The following DPP6 variants were observed in gnomAD, a reference collection of about 807,000 sequenced individuals.
DPP6 encodes A-type potassium channel modulatory protein DPP6.
A neutral mutation model predicts 122.6 loss-of-function variants in DPP6; 69 were observed. That is an observed-to-expected ratio of 0.56 (90% CI 0.46 to 0.69). DPP6 has a LOEUF of 0.69. Ranked by LOEUF, DPP6 falls within the 30% of genes least tolerant of loss-of-function variation. The probability of loss-of-function intolerance (pLI) is 0.00; values close to 1 mark genes in which losing one functional copy is unlikely to be tolerated. For missense variants in DPP6, 928 were observed against 1,116.9 expected (o/e 0.83, Z 2.41); for synonymous variants, 418 against 433.1 (o/e 0.97, Z 0.43).
chr7:153,828,635 G>A, the DPP6 span, among the ~76,000 whole-genome samples: 2 of 152,270 alleles, frequency 1.3e-5, no homozygotes, highest in East Asian at 1.9e-4. Context: ...ATGGAAATAG[G>A]TATGCAAACA....
chr7:154,498,772 C>T (rs1353273690), intron 3 of DPP6, among the ~76,000 whole-genome samples: 1 of 152,168 alleles, frequency 6.6e-6, no homozygotes. Flanking sequence ...CTGCCCTGTG[C>T]ACTGTAGGAT....
At chr7:154,802,280 T>G (rs1182093985) in intron 13 of DPP6, among the ~76,000 whole-genome samples, 1 of 152,194 alleles carries the variant, frequency 6.6e-6, no homozygotes, top group Non-Finnish European at 1.5e-5. Context: ...TGATGAGGCC[T>G]CAAAGGCAAT....
At chr7:154,330,623 T>C (rs1808842962) in intron 1 of DPP6, among the ~76,000 whole-genome samples, 1 of 152,188 alleles carries the variant, frequency 6.6e-6, no homozygotes, top group Admixed American at 6.5e-5. Context: ...TTTTCAACAA[T>C]GGAGCAAACA....
intron 5 of DPP6, among the ~76,000 whole-genome samples, chr7:154,619,625 C>A (rs556798770): frequency 6.6e-6 from 1 of 152,148 alleles, no homozygotes; most frequent in Non-Finnish European, 1.5e-5. Context: ...GCCCTGGTCA[C>A]CTTCAGGGAT....
rs573037616 is a variant in DPP6, at chr7:153,928,841, G to C, written c.51+41107G>C. 3.3e-5 allele frequency among the ~76,000 whole-genome samples: 5 copies of C among 152,230 alleles called. No individual in the cohort carries two copies. In the South Asian group the frequency reaches 1.0e-3, roughly 32 times the overall value. The stretch of plus-strand genomic sequence containing the variant: ...TATATTTCAAAACCTAATTAGAAGG[G>C]TATAGTTGAGAGACAGGATAGCCAA... On this transcript the variant is annotated intron_variant, in intron 1 of 25. Transcript: ENST00000404039.
intron 1 of DPP6, among the ~76,000 whole-genome samples, chr7:154,155,798 A>G (rs1796649160): frequency 6.6e-6 from 1 of 152,128 alleles, no homozygotes; most frequent in Admixed American, 6.5e-5. Flanking sequence ...GGTTGTGTAT[A>G]ATCTGTATGT....
At chr7:154,705,998 C>T (rs7792204) in intron 7 of DPP6, among the ~76,000 whole-genome samples, 6,601 of 152,282 alleles carry the variant, frequency 0.043, 475 homozygotes, top group African/African-American at 0.15. Flanking sequence ...GATGTCCCCC[C>T]TCTACTCGGC....
At position 154,129,102 on chromosome 7, in the gene DPP6, C is replaced by G. The variant is rs3115118; in HGVS notation, c.243+76039C>G. 5.5e-3 allele frequency among the ~76,000 whole-genome samples: 838 copies of G among 152,078 alleles called. 7 individuals are homozygous for G. Among genetic ancestry groups the G allele is most frequent in the African/African-American group, 0.018 (763 of 41,432 alleles). Reference sequence around the variant, plus strand: ...GAAAAGCCTGGGAAGTTCTTTCTACCCACATGCCATCTTTAGAAGTTCTCC... The same window carrying G: ...GAAAAGCCTGGGAAGTTCTTTCTACGCACATGCCATCTTTAGAAGTTCTCC... On this transcript the variant is annotated intron_variant, in intron 1 of 25. Coordinates refer to ENST00000377770, the MANE Select transcript of DPP6 (RefSeq NM_130797.4).
the DPP6 span, among the ~76,000 whole-genome samples, chr7:153,782,540 G>T: frequency 1.2e-4 from 19 of 152,272 alleles, 1 homozygote; most frequent in East Asian, 1.9e-4. Flanking sequence ...CCCCCTTAGC[G>T]TGTGGGCCCT....
At chr7:154,563,364 C>G (rs1473124380) in intron 4 of DPP6, among the ~76,000 whole-genome samples, 2 of 152,148 alleles carry the variant, frequency 1.3e-5, no homozygotes, top group Non-Finnish European at 2.9e-5. Flanking sequence ...GCTGCCTGGT[C>G]AGTCAGGACT....
At chr7:154,572,494 T>TC (rs1831173115) in intron 5 of DPP6, among the ~76,000 whole-genome samples, 1 of 147,540 alleles carries the variant, frequency 6.8e-6, no homozygotes, top group Non-Finnish European at 1.5e-5. Flanking sequence ...TATATGAGTT[T>TC]CTTTTTTTTT....
the DPP6 span, among the ~76,000 whole-genome samples, chr7:153,875,554 C>G: frequency 6.6e-6 from 1 of 151,906 alleles, no homozygotes; most frequent in Non-Finnish European, 1.5e-5. Flanking sequence ...TTTGATTACT[C>G]AAAGTTCCTT....
intron 16 of DPP6, among the ~76,000 whole-genome samples, chr7:154,808,021 T>C (rs1431832563): frequency 1.3e-5 from 2 of 152,192 alleles, no homozygotes; most frequent in South Asian, 2.1e-4. Flanking sequence ...CTTGGAAAGA[T>C]ATGATATGAA....
intron 1 of DPP6, among the ~76,000 whole-genome samples, chr7:153,918,029 A>C (rs1195225793): frequency 1.3e-5 from 2 of 152,198 alleles, no homozygotes; most frequent in Non-Finnish European, 2.9e-5. Context: ...TGATACAGTG[A>C]TTGTTAGTTT....
At chr7:154,742,227 TCGAGTGGGATTCATGCATTTATTCTGCAC>T (rs1426664808) in intron 8 of DPP6, among the ~76,000 whole-genome samples, 2 of 152,176 alleles carry the variant, frequency 1.3e-5, no homozygotes, top group Non-Finnish European at 2.9e-5. Context: ...CTTCCATTAT[TCGAGTGGGATTCATGCATTTATTCTGCAC>T]CGAAGCCCTC....
chr7:154,619,007 T>G (rs1207388340), intron 5 of DPP6, among the ~76,000 whole-genome samples: 1 of 152,140 alleles, frequency 6.6e-6, no homozygotes, highest in Non-Finnish European at 1.5e-5. Context: ...TCTTACAAGA[T>G]CTGATGGTTT....
intron 7 of DPP6, among the ~76,000 whole-genome samples, chr7:154,707,578 G>A (rs1357838043): frequency 1.3e-5 from 2 of 152,188 alleles, no homozygotes; most frequent in African/African-American, 4.8e-5. Context: ...TGCCCCGAGG[G>A]TGTTTGTGGT....
intron 10 of DPP6, among the ~76,000 whole-genome samples, chr7:154,788,304 C>T (rs754101454): frequency 2.0e-5 from 3 of 151,902 alleles, no homozygotes; most frequent in Non-Finnish European, 2.9e-5. Flanking sequence ...ATAAGCCGGG[C>T]GTGGTGGCGC....
chr7:154,250,015 A>G (rs750393397), intron 1 of DPP6, among the ~76,000 whole-genome samples: 40 of 152,170 alleles, frequency 2.6e-4, no homozygotes, highest in Non-Finnish European at 4.7e-4. Flanking sequence ...TTATCTATAG[A>G]TTACAGACAT....
Sources: allele counts gnomAD v4.1 joint callset (sites outside exome capture counted in the v4.1 genomes callset), GRCh38; gene constraint gnomAD v4.1.1; transcripts MANE v1.5; gene names NCBI Gene and HGNC (gene_info 2026-07-23, HGNC 2026-07-21).